The following EIF5A2 variants were observed in gnomAD, a reference collection of about 807,000 sequenced individuals.
EIF5A2 encodes the protein eukaryotic translation initiation factor 5A-2.
Under a neutral mutation model 16.4 loss-of-function variants are expected in EIF5A2, and 15 were observed. The observed-to-expected ratio is 0.92, with a 90% confidence interval of 0.61 to 1.41. The LOEUF is 1.41. Ranked by LOEUF, EIF5A2 falls within the 40% of genes most tolerant of loss-of-function variation. The pLI is 0.00. For synonymous variants in EIF5A2, 48 were observed against 61.1 expected, an observed-to-expected ratio of 0.79 and a Z score of 1.00; for missense variants, 144 against 189.5, an observed-to-expected ratio of 0.76 and a Z score of 1.41.
In EIF5A2 at chr3:170,907,632, G is replaced by C; in HGVS notation, c.165+10C>G. ...GCCGAAGCCAAAGCCTGATCTGCAA[G>C]GGTACTTACCTTGGCATGACCATGC... On this transcript the variant is annotated intron_variant, in intron 2 of 4. Coordinates refer to ENST00000295822, the MANE Select transcript of EIF5A2 (RefSeq NM_020390.6). 1 of 1,574,852 alleles carries C rather than the reference G, an allele frequency of 6.3e-7. No homozygotes were observed. The highest frequency in any genetic ancestry group is 8.7e-7 in the Non-Finnish European group (1 of 1,150,264).
chr3:170,900,984 G>A (rs1481205444), intron 3 of EIF5A2, among the ~76,000 whole-genome samples: 5 of 152,192 alleles, frequency 3.3e-5, no homozygotes, highest in African/African-American at 1.2e-4. Flanking sequence ...TCTAATGATT[G>A]CATAGAACAT....
At position 170,907,063 on chromosome 3, in the gene EIF5A2, C is replaced by T; in HGVS notation, c.196G>A (p.Gly66Ser). ...GGACAAATATCTTCATATTTTTTGC[C>T]CGTGAAAATATCAATTCCAACAAGG... ...VHLVGIDIFT[G>S]KKYEDICPST... is the part of the protein sequence containing the mutation. The change falls in exon 3 of 5, where the codon GGC becomes AGC. Residue 66 changes from glycine (G) to serine (S), a missense_variant. Gly to Ser is a moderately conservative substitution (Grantham distance 56). Coordinates refer to ENST00000295822, the MANE Select transcript of EIF5A2 (RefSeq NM_020390.6). 1 of 1,612,432 alleles carries T rather than the reference C, an allele frequency of 6.2e-7. No individual in the cohort carries two copies. The highest frequency in any genetic ancestry group is 8.5e-7 in the Non-Finnish European group (1 of 1,179,252).
rs1002252958 is a variant in EIF5A2, at chr3:170,892,474, A to C, written c.*886T>G. On this transcript the variant is annotated 3_prime_UTR_variant, in exon 5 of 5. Transcript: ENST00000295822. Reference sequence around the variant, plus strand: ...GGAAGTTGGAAAGGAGTATTTACTGATAAATATTACTATTTATTCAACATA... The same window carrying C: ...GGAAGTTGGAAAGGAGTATTTACTGCTAAATATTACTATTTATTCAACATA... 5 of 253,738 alleles carry C rather than the reference A, an allele frequency of 2.0e-5. No homozygotes were observed. Among genetic ancestry groups the C allele is most frequent in the African/African-American group, 8.9e-5 (4 of 44,870 alleles). 15.7% of individuals were successfully genotyped at this position (253,738 alleles called of 1,614,324 possible). A position where few individuals can be genotyped will look rare whatever the true frequency, so the allele number is the denominator to read the frequency against.
chr3:170,893,946 G>T (rs1467628291), intron 4 of EIF5A2, among the ~76,000 whole-genome samples: 1 of 151,748 alleles, frequency 6.6e-6, no homozygotes, highest in Non-Finnish European at 1.5e-5. Flanking sequence ...GGGGAGAATC[G>T]CTTGAACCTG....
intron 3 of EIF5A2, among the ~76,000 whole-genome samples, chr3:170,902,397 CCTTTTT>C (rs1266220136): frequency 1.1e-4 from 15 of 138,976 alleles, no homozygotes; most frequent in African/African-American, 3.6e-4. Flanking sequence ...TGCCATTCAG[CCTTTTT>C]TTTTTTTTTT....
rs1235517388 is a variant in EIF5A2 at position 170,890,968 on chromosome 3, C to T, written c.*2392G>A. 2.6e-5 allele frequency: 4 copies of T among 152,354 alleles called. No individual in the cohort carries two copies. The highest frequency in any genetic ancestry group is 9.7e-5 in the African/African-American group (4 of 41,376). The allele number at this position is 152,354 out of a possible 1,614,324, so 9.4% of individuals were successfully genotyped here. A position where few individuals can be genotyped will look rare whatever the true frequency, so the allele number is the denominator to read the frequency against. On this transcript the variant is annotated 3_prime_UTR_variant, in exon 5 of 5. Coordinates refer to ENST00000295822, the MANE Select transcript of EIF5A2 (RefSeq NM_020390.6). ...ATCTTTAAAATCTATACTTATATAT[C>T]GAGTATTTACACTTCATATATTACT...
intron 3 of EIF5A2, among the ~76,000 whole-genome samples, chr3:170,899,058 T>C (rs1712741157): frequency 6.6e-6 from 1 of 152,210 alleles, no homozygotes; most frequent in African/African-American, 2.4e-5. Context: ...TATTATTCAA[T>C]ATATAGTACA....
At chr3:170,898,130 C>A (rs898375807) in intron 3 of EIF5A2, among the ~76,000 whole-genome samples, 2 of 152,216 alleles carry the variant, frequency 1.3e-5, no homozygotes, top group Non-Finnish European at 2.9e-5. Context: ...CTCATTGTTT[C>A]TAGGAAGTAA....
At chr3:170,896,830 A>C (rs575977064) in intron 3 of EIF5A2, among the ~76,000 whole-genome samples, 2 of 152,280 alleles carry the variant, frequency 1.3e-5, no homozygotes, top group South Asian at 4.1e-4. Flanking sequence ...GCTCAGAAGA[A>C]AGAAAGATGA....
Position 170,891,927 on chromosome 3 carries a change from T to C in EIF5A2, c.*1433A>G, listed in dbSNP as rs1176450427. The C allele has an allele frequency of 6.6e-6, 1 of 152,490 alleles. No homozygotes were observed. Among genetic ancestry groups the C allele is most frequent in the East Asian group, 1.9e-4 (1 of 5,192 alleles). 9.4% of individuals were successfully genotyped at this position (152,490 alleles called of 1,614,324 possible). A position where few individuals can be genotyped will look rare whatever the true frequency, so the allele number is the denominator to read the frequency against. On this transcript the variant is annotated 3_prime_UTR_variant, in exon 5 of 5. Transcript: ENST00000295822. ...AGTTCACACCAGCAACTGAATTAAG[T>C]CACACAACAATCAGAAAAAATGCAT...
intron 3 of EIF5A2, among the ~76,000 whole-genome samples, chr3:170,899,885 A>G (rs549129455): frequency 2.0e-5 from 3 of 151,742 alleles, no homozygotes; most frequent in Non-Finnish European, 2.9e-5. Flanking sequence ...CTGGTCCTTT[A>G]CCTTTAAACA....
In EIF5A2 at chr3:170,889,313, A is replaced by G. The variant is rs1027313924; in HGVS notation, c.*4047T>C. The G allele has an allele frequency of 6.6e-6, 1 of 152,514 alleles. No individual in the cohort carries two copies. Among genetic ancestry groups the G allele is most frequent in the Non-Finnish European group, 1.5e-5 (1 of 67,958 alleles). 9.4% of individuals were successfully genotyped at this position (152,514 alleles called of 1,614,324 possible). A position where few individuals can be genotyped will look rare whatever the true frequency, so the allele number is the denominator to read the frequency against. ...AACATTAAATTACATATTGGCTTCA[A>G]GCCATGTTCCCATAGAACATCTGTG... On this transcript the variant is annotated 3_prime_UTR_variant, in exon 5 of 5. Transcript: ENST00000295822.
rs1712577817 is a variant in EIF5A2, at chr3:170,893,196, T to A, written c.*164A>T. ...AAAATTATACATATTGATAATTTTT[T>A]AAAAATTATCAATTGCTTGCAAAAC... On this transcript the variant is annotated 3_prime_UTR_variant, in exon 5 of 5. Coordinates refer to ENST00000295822, the MANE Select transcript of EIF5A2 (RefSeq NM_020390.6). 1.9e-6 allele frequency: 1 copy of A among 526,838 alleles called. No individual in the cohort carries two copies. Among genetic ancestry groups the A allele is most frequent in the Non-Finnish European group, 3.1e-6 (1 of 322,790 alleles). 32.6% of individuals were successfully genotyped at this position (526,838 alleles called of 1,614,324 possible). A position where few individuals can be genotyped will look rare whatever the true frequency, so the allele number is the denominator to read the frequency against.
intron 3 of EIF5A2, among the ~76,000 whole-genome samples, chr3:170,896,994 C>G (rs1027431463): frequency 6.6e-6 from 1 of 152,194 alleles, no homozygotes; most frequent in African/African-American, 2.4e-5. Context: ...CGTGCTTTAG[C>G]AAAGAGACTG....
At chr3:170,893,704 C>CT (rs1456721786) in intron 4 of EIF5A2, among the ~76,000 whole-genome samples, 1 of 152,176 alleles carries the variant, frequency 6.6e-6, no homozygotes, top group Non-Finnish European at 1.5e-5. Context: ...CTCCTTCACT[C>CT]TTTAACATTC....
intron 3 of EIF5A2, among the ~76,000 whole-genome samples, chr3:170,899,620 A>AAC (rs1712761063): frequency 3.3e-5 from 5 of 151,938 alleles, no homozygotes; most frequent in Non-Finnish European, 7.4e-5. Context: ...GGCAAATGTC[A>AAC]ATTTGTCCCA....
chr3:170,893,497 T>C (rs1239270107), intron 4 of EIF5A2, 78 bp from the exon 5 acceptor site: 1 of 1,453,390 alleles, frequency 6.9e-7, no homozygotes, highest in Non-Finnish European at 9.5e-7. Context: ...TCATATATTG[T>C]ATATTTGTGG....
intron 3 of EIF5A2, among the ~76,000 whole-genome samples, chr3:170,900,725 C>G (rs1712788261): frequency 6.6e-6 from 1 of 152,182 alleles, no homozygotes. Flanking sequence ...ATTTTATAAA[C>G]TGTACCTTAA....
intron 3 of EIF5A2, among the ~76,000 whole-genome samples, chr3:170,904,434 A>G (rs1441726796): frequency 6.6e-6 from 1 of 152,248 alleles, no homozygotes; most frequent in Non-Finnish European, 1.5e-5. Flanking sequence ...ATATTTAATC[A>G]AGGCACTTGG....
Sources: allele counts gnomAD v4.1 joint callset (sites outside exome capture counted in the v4.1 genomes callset), GRCh38; gene constraint gnomAD v4.1.1; transcripts MANE v1.5; gene names NCBI Gene and HGNC (gene_info 2026-07-23, HGNC 2026-07-21).